PARVA: variants seen among roughly 807,000 people sequenced by gnomAD.
PARVA encodes parvin alpha.
In PARVA, 25 loss-of-function variants were observed where a neutral mutation model predicts 52.6. The observed-to-expected ratio is 0.48, with a 90% CI of 0.35 to 0.66. The LOEUF (loss-of-function observed/expected upper bound fraction) is 0.66. PARVA is among the 30% of genes least tolerant of loss of function. PARVA has a pLI of 0.01. For missense variants in PARVA, 373 were observed against 450.9 expected (o/e 0.83, Z 1.56); for synonymous variants, 185 against 179.1 (o/e 1.03, Z -0.26).
At chr11:12,500,527 C>T (rs1941351082) in intron 5 of PARVA, among the ~76,000 whole-genome samples, 1 of 152,244 alleles carries the variant, frequency 6.6e-6, no homozygotes, top group Non-Finnish European at 1.5e-5. Flanking sequence ...CTGTGGCTCA[C>T]ACCTGTAATC....
At chr11:12,479,515 G>A (rs1173735088) in intron 4 of PARVA, 1 of 152,204 alleles carries the variant, frequency 6.6e-6, no homozygotes, top group Non-Finnish European at 1.5e-5. Context: ...TGTTGCCCAG[G>A]CTGGTCTCAA....
At chr11:12,474,834 C>T (rs916132291) in intron 3 of PARVA, among the ~76,000 whole-genome samples, 7 of 151,750 alleles carry the variant, frequency 4.6e-5, no homozygotes, top group Admixed American at 2.0e-4. Flanking sequence ...AGTGTGGTGG[C>T]GCATGACTGT....
At chr11:12,429,617 C>T (rs571821013) in intron 1 of PARVA, among the ~76,000 whole-genome samples, 11 of 152,234 alleles carry the variant, frequency 7.2e-5, no homozygotes, top group Middle Eastern at 3.4e-3. Context: ...TGATTTGATG[C>T]GTGGAATTTC....
rs1321153643 is a variant in PARVA, at chr11:12,496,547, A to G, written c.490A>G (p.Ile164Val). ...KQKLQTVLEKINETLKLPPRS... is the reference protein window; with the variant it reads ...KQKLQTVLEKVNETLKLPPRS... The stretch of plus-strand genomic sequence containing the variant: ...AAAACTGCAGACTGTCCTGGAGAAG[A>G]TCAATGAAACCCTGAAACTTCCTCC... Residue 164 changes from isoleucine to valine, a missense_variant, in exon 5 of 13, where the codon ATC (isoleucine) becomes GTC (valine). Ile to Val is a conservative substitution (Grantham distance 29). Coordinates refer to ENST00000334956, the MANE Select transcript of PARVA (RefSeq NM_018222.5). 1.9e-6 allele frequency: 3 copies of G among 1,611,826 alleles called. No individual in the cohort carries two copies. In the African/African-American group the frequency reaches 4.0e-5, roughly 22 times the overall value.
At chr11:12,509,232 A>G (rs1030789544) in intron 7 of PARVA, among the ~76,000 whole-genome samples, 3 of 152,024 alleles carry the variant, frequency 2.0e-5, no homozygotes, top group Admixed American at 2.0e-4. Flanking sequence ...GGCCCCATGC[A>G]AAGTCAGGCA....
At position 12,528,036 on chromosome 11, in the gene PARVA, A is replaced by G. The variant is rs571725109; in HGVS notation, c.*111A>G. The G allele has an allele frequency of 3.8e-6, 3 of 788,470 alleles. No homozygotes were observed. The highest frequency in any genetic ancestry group is 3.4e-5 in the African/African-American group (2 of 59,080). 48.8% of individuals were successfully genotyped at this position (788,470 alleles called of 1,614,324 possible). ...CCTGTCTCTTGCACTGTGCTCTCCC[A>G]CAAGTCCAGCTGCAACCCAGAGATA... On this transcript the variant is annotated 3_prime_UTR_variant, in exon 13 of 13. Transcript: ENST00000334956.
intron 1 of PARVA, among the ~76,000 whole-genome samples, chr11:12,420,755 T>G (rs1362887929): frequency 2.0e-5 from 3 of 152,184 alleles, no homozygotes; most frequent in African/African-American, 7.2e-5. Flanking sequence ...TTACCAATCT[T>G]GTGGGGCAAG....
chr11:12,376,809 CT>C, upstream of PARVA: 1 of 720,892 alleles, frequency 1.4e-6, no homozygotes, highest in Non-Finnish European at 1.7e-6. Flanking sequence ...TATGACTCCC[CT>C]GTTATCTCAA....
At chr11:12,441,630 T>C (rs893232076) in intron 1 of PARVA, among the ~76,000 whole-genome samples, 4 of 151,834 alleles carry the variant, frequency 2.6e-5, no homozygotes, top group Non-Finnish European at 5.9e-5. Context: ...GGTTTGAGAA[T>C]GAAAAAAAAA....
chr11:12,508,106 AAAAAAAAAAAAAAAAACC>A (rs1167934558), intron 6 of PARVA, among the ~76,000 whole-genome samples: 2 of 126,808 alleles, frequency 1.6e-5, no homozygotes, highest in South Asian at 4.9e-4. Flanking sequence ...AGTTAAAAAA[AAAAAAAAAAAAAAAAACC>A]AAAAAAAAAA....
At chr11:12,449,267 C>T (rs913909645) in intron 1 of PARVA, among the ~76,000 whole-genome samples, 2 of 152,106 alleles carry the variant, frequency 1.3e-5, no homozygotes, top group Non-Finnish European at 2.9e-5. Context: ...GATTCTCCCG[C>T]CTCAGCCTCC....
intron 1 of PARVA, among the ~76,000 whole-genome samples, chr11:12,443,440 G>A (rs1940498732): frequency 6.6e-6 from 1 of 152,072 alleles, no homozygotes; most frequent in African/African-American, 2.4e-5. Context: ...AAAGTGCTGG[G>A]ATTACAGGCG....
chr11:12,514,612 C>T (rs2403632), intron 10 of PARVA, among the ~76,000 whole-genome samples: 5,200 of 152,236 alleles, frequency 0.034, 303 homozygotes, highest in African/African-American at 0.12. Context: ...CTCAGCCTGC[C>T]AGGTAGCTGG....
At chr11:12,422,305 C>T (rs900182153) in intron 1 of PARVA, among the ~76,000 whole-genome samples, 24 of 152,110 alleles carry the variant, frequency 1.6e-4, no homozygotes, top group Admixed American at 2.0e-4. Flanking sequence ...ACATTGGTTA[C>T]ATTTCTTTCT....
chr11:12,474,081 A>T, intron 3 of PARVA, 98 bp downstream of exon 3: 1 of 933,430 alleles, frequency 1.1e-6, no homozygotes, highest in Non-Finnish European at 1.7e-6. Flanking sequence ...CCCCTGAGAG[A>T]AGGTAAAAAG....
rs1175769695 is a variant in PARVA at position 12,377,574 on chromosome 11, C to G, written c.-74C>G. On this transcript the variant is annotated 5_prime_UTR_variant, in exon 1 of 13. Coordinates refer to ENST00000334956, the MANE Select transcript of PARVA (RefSeq NM_018222.5). ...CCGTTTGGAAAGCCGCAGCCTCAGT[C>G]CCGCCGCCGCCCGCTGCGTCCGCCC... 1 of 1,496,846 alleles carries G rather than the reference C, an allele frequency of 6.7e-7. No individual in the cohort carries two copies. The highest frequency in any genetic ancestry group is 2.4e-5 in the Admixed American group (1 of 42,298). 92.7% of individuals were successfully genotyped at this position (1,496,846 alleles called of 1,614,324 possible).
intron 5 of PARVA, among the ~76,000 whole-genome samples, chr11:12,501,449 G>A (rs1346038843): frequency 6.6e-6 from 1 of 152,052 alleles, no homozygotes; most frequent in Non-Finnish European, 1.5e-5. Context: ...CAAAACTAGG[G>A]ATTTGCAAGG....
rs1283000616 is a variant in PARVA at position 12,377,591 on chromosome 11, C to G, written c.-57C>G. The stretch of plus-strand genomic sequence containing the variant: ...GCCTCAGTCCCGCCGCCGCCCGCTG[C>G]GTCCGCCCAGCGCCAGCTCCGCGTC... On this transcript the variant is annotated 5_prime_UTR_variant, in exon 1 of 13. Transcript: ENST00000334956. The G allele has an allele frequency of 8.0e-6, 12 of 1,505,666 alleles. No homozygotes were observed. Among genetic ancestry groups the G allele is most frequent in the Non-Finnish European group, 1.1e-5 (12 of 1,130,066 alleles). 93.3% of individuals were successfully genotyped at this position (1,505,666 alleles called of 1,614,324 possible).
Position 12,473,810 on chromosome 11 carries a change from C to A in PARVA, c.202C>A (p.Leu68Met). 1 of 1,571,972 alleles carries A rather than the reference C, an allele frequency of 6.4e-7. No homozygotes were observed. The highest frequency in any genetic ancestry group is 8.6e-7 in the Non-Finnish European group (1 of 1,157,592). The change falls in exon 2 of 13, where the codon CTG becomes ATG. Residue 68 changes from leucine to methionine, a missense_variant. Physicochemically the swap from Leu to Met is conservative, Grantham distance 15. Coordinates refer to ENST00000334956, the MANE Select transcript of PARVA (RefSeq NM_018222.5). Reference sequence around the variant, plus strand: ...GCCCCTCAGCCCAATTCCCTTTGAGCTGGACCCCGAGGACACGATGCTGGG... The same window carrying A: ...GCCCCTCAGCCCAATTCCCTTTGAGATGGACCCCGAGGACACGATGCTGGG... Reference protein sequence around the residue: ...NLPLSPIPFELDPEDTMLEEN... With the variant: ...NLPLSPIPFEMDPEDTMLEEN...
Sources: gnomAD v4.1 joint callset for allele counts (sites outside exome capture counted in the v4.1 genomes callset) on GRCh38, gnomAD v4.1.1 for gene constraint, MANE v1.5 for transcripts, NCBI Gene and HGNC (gene_info 2026-07-23, HGNC 2026-07-21) for gene names.